The following IL1RL2 variants were observed in gnomAD, a reference collection of about 807,000 sequenced individuals.
IL1RL2 encodes the protein interleukin-1 receptor-like 2.
IL1RL2 carries 68 observed loss-of-function variants against 66.8 expected under a neutral mutation model. The ratio of observed to expected loss-of-function variants is 1.02; its 90% CI spans 0.84 to 1.25. The LOEUF (loss-of-function observed/expected upper bound fraction) is 1.25. Ranked by LOEUF, IL1RL2 falls within the 50% of genes most tolerant of loss-of-function variation. The pLI, the probability that IL1RL2 is intolerant of heterozygous loss-of-function variation, is 0.00. For missense variants in IL1RL2, 729 were observed against 709.3 expected (o/e 1.03, Z -0.32); for synonymous variants, 305 against 264.6 (o/e 1.15, Z -1.48).
chr2:102,204,262 A>T (rs760108217), intron 5 of IL1RL2, among the ~76,000 whole-genome samples: 1 of 151,742 alleles, frequency 6.6e-6, no homozygotes, highest in Non-Finnish European at 1.5e-5. Flanking sequence ...TATTATTCCA[A>T]TTTTTTCAGT....
At chr2:102,223,426 T>G (rs2104849656) in intron 8 of IL1RL2, among the ~76,000 whole-genome samples, 1 of 152,336 alleles carries the variant, frequency 6.6e-6, no homozygotes, top group South Asian at 2.1e-4. Context: ...CCATCTCAGT[T>G]GAAGGCTGGT....
At chr2:102,224,029 G>A (rs1434755452) in intron 8 of IL1RL2, among the ~76,000 whole-genome samples, 2 of 152,182 alleles carry the variant, frequency 1.3e-5, no homozygotes, top group African/African-American at 4.8e-5. Context: ...ATTGTGCCAT[G>A]TATTTAAAGA....
chr2:102,227,494 A>G (rs1418168799), intron 9 of IL1RL2, among the ~76,000 whole-genome samples: 1 of 152,170 alleles, frequency 6.6e-6, no homozygotes, highest in Non-Finnish European at 1.5e-5. Context: ...TTTAATGACA[A>G]AAGTCATCTG....
At chr2:102,241,260 T>C (rs1016170804), downstream of IL1RL2, among the ~76,000 whole-genome samples, 5 of 152,220 alleles carry the variant, frequency 3.3e-5, no homozygotes, top group African/African-American at 1.2e-4. Context: ...TCGCAGTCTG[T>C]CCAAGGGTGG....
chr2:102,195,060 T>C lies in IL1RL2; in HGVS notation c.489+2940T>C, dbSNP rs927693247. ...GAGTGTGGTTGTGTTGCAATAACATTTTATTTACAAAAACAGGTGGTTAGC... is the reference window on the plus strand; with the variant it reads ...GAGTGTGGTTGTGTTGCAATAACATCTTATTTACAAAAACAGGTGGTTAGC... On this transcript the variant is annotated intron_variant, in intron 4 of 11. Transcript: ENST00000264257. 4.6e-5 allele frequency among the ~76,000 whole-genome samples: 7 copies of C among 152,176 alleles called. No homozygotes were observed. In the East Asian group the frequency reaches 1.3e-3, roughly 29 times the overall value.
rs559270684 is a variant in IL1RL2, at chr2:102,226,893, G to T, written c.1135+852G>T. 1.2e-4 allele frequency among the ~76,000 whole-genome samples: 19 copies of T among 152,348 alleles called. No individual in the cohort carries two copies. In the South Asian group the frequency reaches 3.5e-3, roughly 28 times the overall value. ...GAAGTACAGGGAAGCATTCAGCGGGGCCTGGGCCACAGGGCGGCCTCTATT... is the reference window on the plus strand; with the variant it reads ...GAAGTACAGGGAAGCATTCAGCGGGTCCTGGGCCACAGGGCGGCCTCTATT... On this transcript the variant is annotated intron_variant, in intron 9 of 11. Coordinates refer to ENST00000264257, the MANE Select transcript of IL1RL2 (RefSeq NM_003854.4).
chr2:102,192,456 G>A (rs1463496773), intron 4 of IL1RL2, among the ~76,000 whole-genome samples: 7 of 152,004 alleles, frequency 4.6e-5, no homozygotes, highest in Non-Finnish European at 8.8e-5. Flanking sequence ...AATTCTAAGA[G>A]GTCACCCCCT....
At chr2:102,199,105 C>T (rs1688021970) in intron 4 of IL1RL2, among the ~76,000 whole-genome samples, 1 of 152,166 alleles carries the variant, frequency 6.6e-6, no homozygotes, top group Admixed American at 6.5e-5. Flanking sequence ...ATTCTGTGGA[C>T]TGGAACTGCT....
chr2:102,187,786 C>G (rs1248221505), intron 1 of IL1RL2, 70 bp from the exon 2 acceptor site: 37 of 1,317,516 alleles, frequency 2.8e-5, no homozygotes, highest in Non-Finnish European at 4.0e-5. Context: ...ATTCCGAGGT[C>G]GCCCACGCCG....
rs779294272 is a variant in IL1RL2, at chr2:102,235,144, G to C, written c.1545G>C (p.Gly515=). Residue 515 remains glycine (G), a synonymous_variant, in exon 11 of 12, where the codon GGG becomes GGC. Coordinates refer to ENST00000264257, the MANE Select transcript of IL1RL2 (RefSeq NM_003854.4). ...AGCATGGTGCCATCCGGTGGCATGG[G>C]GACTTCACGGAGCAGTCACAGTGTA... The part of the protein sequence containing the change: ...KQKHGAIRWH[G]DFTEQSQCMK... The C allele has an allele frequency of 6.2e-7, 1 of 1,614,070 alleles. No homozygotes were observed. Among genetic ancestry groups the C allele is most frequent in the Non-Finnish European group, 8.5e-7 (1 of 1,180,046 alleles).
rs201265444 is a variant in IL1RL2 at position 102,189,209 on chromosome 2, A to C, written c.192A>C (p.Pro64=). 6.2e-7 allele frequency: 1 copy of C among 1,614,134 alleles called. No homozygotes were observed. The highest frequency in any genetic ancestry group is 8.5e-7 in the Non-Finnish European group (1 of 1,179,994). ...GGTATAAAAATTCTAGCAAAATCCC[A>C]GTGTCCAAAATCATACAGTCTAGAA... ...VTWYKNSSKI[P]VSKIIQSRIH... The change falls in exon 3 of 12, where the codon CCA becomes CCC. Residue 64 remains proline, a synonymous_variant. Coordinates refer to ENST00000264257, the MANE Select transcript of IL1RL2 (RefSeq NM_003854.4).
At chr2:102,242,568 A>G (rs1675255323), downstream of IL1RL2, among the ~76,000 whole-genome samples, 1 of 152,180 alleles carries the variant, frequency 6.6e-6, no homozygotes, top group African/African-American at 2.4e-5. Flanking sequence ...CAGCTCAAGC[A>G]GTGAGTGAGG....
chr2:102,195,639 CTCTCTCTCTT>C lies in IL1RL2; in HGVS notation c.489+3523_489+3532del, dbSNP rs1361616935. ...TTTCTTTCTTTCTTTCTCTCTCTCT[CTCTCTCTCTT>C]TCTTTCTTTCTTTCTTTCTTTCTTT... On this transcript the variant is annotated intron_variant, in intron 4 of 11. Coordinates refer to ENST00000264257, the MANE Select transcript of IL1RL2 (RefSeq NM_003854.4). Among the ~76,000 whole-genome samples, 59 of 31,886 alleles carry C rather than the reference CTCTCTCTCTT, an allele frequency of 1.9e-3. 2 individuals are homozygous for C. The highest frequency in any genetic ancestry group is 4.4e-3 in the South Asian group (2 of 458). The allele number at this position is 31,886 out of a possible 152,430, so 20.9% of individuals were successfully genotyped here. A position where few individuals can be genotyped will look rare whatever the true frequency, so the allele number is the denominator to read the frequency against.
chr2:102,191,832 T>C (rs1463670634), intron 3 of IL1RL2, 93 bp from the exon 4 acceptor site: 6 of 909,142 alleles, frequency 6.6e-6, no homozygotes, highest in African/African-American at 1.7e-5. Context: ...CACAGTGCTG[T>C]GAAAATGATT....
intron 2 of IL1RL2, among the ~76,000 whole-genome samples, chr2:102,188,381 T>A (rs371787670): frequency 6.6e-6 from 1 of 151,980 alleles, no homozygotes; most frequent in African/African-American, 2.4e-5. Context: ...TCAGGAGATC[T>A]AGACCATCCT....
intron 5 of IL1RL2, among the ~76,000 whole-genome samples, chr2:102,209,535 T>A (rs1179021374): frequency 6.6e-6 from 1 of 151,674 alleles, no homozygotes; most frequent in African/African-American, 2.4e-5. Context: ...TATGTTTATG[T>A]TGGATCTAAA....
In IL1RL2 at chr2:102,235,237, G is replaced by A. The variant is rs371703622; in HGVS notation, c.1638G>A (p.Pro546=). The A allele has an allele frequency of 1.2e-5, 20 of 1,613,934 alleles. No individual in the cohort carries two copies. The highest frequency in any genetic ancestry group is 3.4e-4 in the Middle Eastern group (2 of 5,958). ...CCAGAAGGTGTCGGCCGTTTCCTCCGGTCCAGCTGCTGCAGCACACACCTT... is the reference window on the plus strand; with the variant it reads ...CCAGAAGGTGTCGGCCGTTTCCTCCAGTCCAGCTGCTGCAGCACACACCTT... ...MPPRRCRPFP[P]VQLLQHTPCY... Residue 546 remains proline, a synonymous_variant, in exon 11 of 12, where the codon CCG becomes CCA. Transcript: ENST00000264257.
intron 1 of IL1RL2, 179 bp downstream of exon 1, chr2:102,187,265 G>A (rs775727395): frequency 1.7e-6 from 2 of 1,181,220 alleles, no homozygotes; most frequent in African/African-American, 1.6e-5. Context: ...TCTCTGGGTC[G>A]AGGAGTGGAG....
intron 4 of IL1RL2, among the ~76,000 whole-genome samples, chr2:102,198,920 C>T (rs1027417458): frequency 1.3e-5 from 2 of 152,030 alleles, no homozygotes; most frequent in African/African-American, 4.8e-5. Flanking sequence ...CTCCTTAGAC[C>T]CTCCCATCCC....
Sources: allele counts gnomAD v4.1 joint callset (sites outside exome capture counted in the v4.1 genomes callset), GRCh38; gene constraint gnomAD v4.1.1; transcripts MANE v1.5; gene names NCBI Gene and HGNC (gene_info 2026-07-23, HGNC 2026-07-21).